Variants in ABCC8 observed in about 807,000 individuals in gnomAD.
ABCC8 encodes the protein ATP binding cassette subfamily C member 8.
A neutral mutation model predicts 188.0 loss-of-function variants in ABCC8; 137 were observed. The observed-to-expected ratio is 0.73, with a 90% confidence interval of 0.63 to 0.84. The LOEUF (loss-of-function observed/expected upper bound fraction) is 0.84, where lower values mean the gene tolerates loss of function less well. ABCC8 is among the 40% of genes least tolerant of loss of function. The probability of loss-of-function intolerance (pLI) is 0.00; values close to 1 mark genes in which losing one functional copy is unlikely to be tolerated. For missense variants in ABCC8, 1,750 were observed against 2,072.7 expected, an observed-to-expected ratio of 0.84 and a Z score of 3.02; for synonymous variants, 797 against 846.5, an observed-to-expected ratio of 0.94 and a Z score of 1.01.
rs1054468584 is a variant in ABCC8, at chr11:17,435,524, G to T, written c.1631-3280C>A. ...CTTTTCCACTCTTATGGTCTACAAG[G>T]TACTCTACTGCTCCAAGGGGATCTA... On this transcript the variant is annotated intron_variant, in intron 10 of 38. Coordinates refer to ENST00000389817, the MANE Select transcript of ABCC8 (RefSeq NM_000352.6). 48 of 1,092,920 alleles carry T rather than the reference G, an allele frequency of 4.4e-5. No individual in the cohort carries two copies. The Admixed American group carries it at 8.2e-4, about 19-fold the overall frequency. The allele number at this position is 1,092,920 out of a possible 1,614,324, so 67.7% of individuals were successfully genotyped here.
chr11:17,475,362 C>T (rs1475995395), intron 1 of ABCC8, among the ~76,000 whole-genome samples: 2 of 152,106 alleles, frequency 1.3e-5, no homozygotes, highest in African/African-American at 2.4e-5. Context: ...GGACTACAGG[C>T]GCACATCACC....
At chr11:17,439,674 T>C (rs1956238419) in intron 10 of ABCC8, among the ~76,000 whole-genome samples, 1 of 152,072 alleles carries the variant, frequency 6.6e-6, no homozygotes, top group African/African-American at 2.4e-5. Context: ...CAAACAGCAC[T>C]TGACTTTCAA....
chr11:17,394,412 C>T lies in ABCC8; in HGVS notation c.4412-13G>A, dbSNP rs1008906426. ...GTGATGATGGCATCTGAAAACAGCCCGGGGAGATGAAGTAGGACTGAGTTA... is the reference window on the plus strand; with the variant it reads ...GTGATGATGGCATCTGAAAACAGCCTGGGGAGATGAAGTAGGACTGAGTTA... On this transcript the variant is annotated splice_polypyrimidine_tract_variant and intron_variant, in intron 36 of 38. Transcript: ENST00000389817. The T allele has an allele frequency of 9.3e-6, 15 of 1,613,992 alleles. No individual in the cohort carries two copies. The highest frequency in any genetic ancestry group is 2.2e-5 in the East Asian group (1 of 44,892).
chr11:17,431,168 G>C lies in ABCC8; in HGVS notation c.1672-209C>G, dbSNP rs1396874721. 2.5e-5 allele frequency: 19 copies of C among 760,190 alleles called. No homozygotes were observed. In the South Asian group the frequency reaches 2.7e-4, roughly 11 times the overall value. 47.1% of individuals were successfully genotyped at this position (760,190 alleles called of 1,614,324 possible). A position where few individuals can be genotyped will look rare whatever the true frequency, so the allele number is the denominator to read the frequency against. ...TCAGGACTTCAAGCTGGAGAGCAGG[G>C]GCTGCTCCCTCCCTGTCCTGGCCAA... On this transcript the variant is annotated intron_variant, in intron 11 of 38. Coordinates refer to ENST00000389817, the MANE Select transcript of ABCC8 (RefSeq NM_000352.6).
At position 17,402,693 on chromosome 11, in the gene ABCC8, G is replaced by A. The variant is rs775134825; in HGVS notation, c.3618C>T (p.Thr1206=). ...QLPLLSHFAE[T]VEGLTTIRAF... is the part of the protein sequence containing the mutation. ...CCCGGATGGTGGTGAGTCCTTCTAC[G>A]GTTTCGGCAAAGTGTGAGAGAAGTG... The change falls in exon 29 of 39, where the codon ACC becomes ACT. Residue 1206 remains threonine (T), a synonymous_variant. Transcript: ENST00000389817. The A allele has an allele frequency of 1.4e-5, 22 of 1,614,122 alleles. No individual in the cohort carries two copies. The highest frequency in any genetic ancestry group is 8.9e-5 in the East Asian group (4 of 44,896).
intron 16 of ABCC8, among the ~76,000 whole-genome samples, chr11:17,417,565 C>T (rs1443442568): frequency 6.6e-6 from 1 of 152,118 alleles, no homozygotes; most frequent in East Asian, 1.9e-4. Context: ...TTTGCCAGTG[C>T]TCTATCCCCT....
chr11:17,395,090 C>T (rs866106487), intron 36 of ABCC8, 82 bp downstream of exon 36: 3 of 1,528,400 alleles, frequency 2.0e-6, no homozygotes, highest in Middle Eastern at 1.7e-4. Context: ...TGGGGCAAAC[C>T]TGAGACACGG....
chr11:17,461,893 C>T, intron 4 of ABCC8, 68 bp from the exon 5 acceptor site: 1 of 1,605,134 alleles, frequency 6.2e-7, no homozygotes, highest in Non-Finnish European at 8.5e-7. Flanking sequence ...CTTGCCCCAG[C>T]AAGGATCTGG....
chr11:17,455,663 C>T (rs1028128939), intron 6 of ABCC8, among the ~76,000 whole-genome samples: 4 of 152,060 alleles, frequency 2.6e-5, no homozygotes, highest in Non-Finnish European at 4.4e-5. Flanking sequence ...CCTGACTAGG[C>T]GTGGTGGGTC....
chr11:17,405,423 C>G, intron 27 of ABCC8, 71 bp downstream of exon 27: 1 of 1,608,512 alleles, frequency 6.2e-7, no homozygotes, highest in Non-Finnish European at 8.5e-7. Flanking sequence ...AACCCAGCCT[C>G]AGACAGGAGA....
chr11:17,428,898 G>A, intron 12 of ABCC8: 1 of 700,098 alleles, frequency 1.4e-6, no homozygotes. Flanking sequence ...TGGATTGGAG[G>A]TGAGATTGGT....
intron 19 of ABCC8, among the ~76,000 whole-genome samples, chr11:17,414,161 C>A (rs1179438582): frequency 6.6e-6 from 1 of 152,196 alleles, no homozygotes; most frequent in Non-Finnish European, 1.5e-5. Flanking sequence ...AGAGCGCAGT[C>A]GATGCTAGCC....
At chr11:17,460,390 C>A in intron 6 of ABCC8, 98 bp downstream of exon 6, 2 of 1,562,196 alleles carry the variant, frequency 1.3e-6, no homozygotes, top group Non-Finnish European at 8.8e-7. Context: ...GGAGCCACTC[C>A]AGTGTGGCCA....
Position 17,407,091 on chromosome 11 carries a change from A to T in ABCC8, c.2959T>A (p.Ser987Thr). 6.2e-7 allele frequency: 1 copy of T among 1,613,734 alleles called. No individual in the cohort carries two copies. Among genetic ancestry groups the T allele is most frequent in the Non-Finnish European group, 8.5e-7 (1 of 1,180,028 alleles). Residue 987 changes from serine to threonine, a missense_variant, in exon 25 of 39, where the codon TCC (serine) becomes ACC (threonine). Physicochemically the swap from Ser to Thr is moderately conservative, Grantham distance 58. Coordinates refer to ENST00000389817, the MANE Select transcript of ABCC8 (RefSeq NM_000352.6). ...ATCTCAGCACGCTGGTGCAGCATGGACGACAGGTTGTCATCCTCCTCGCTC... is the reference window on the plus strand; with the variant it reads ...ATCTCAGCACGCTGGTGCAGCATGGTCGACAGGTTGTCATCCTCCTCGCTC... ...AESEEDDNLS[S>T]MLHQRAEIPW... is the part of the protein sequence containing the mutation.
chr11:17,447,835 T>G (rs1434162964), intron 8 of ABCC8, among the ~76,000 whole-genome samples: 1 of 152,238 alleles, frequency 6.6e-6, no homozygotes, highest in Admixed American at 6.5e-5. Flanking sequence ...TTTCCAAATC[T>G]TATACACGCT....
chr11:17,423,999 T>G (rs1394501561), intron 16 of ABCC8, among the ~76,000 whole-genome samples: 2 of 152,232 alleles, frequency 1.3e-5, no homozygotes, highest in Admixed American at 6.5e-5. Context: ...CAGAGTTCGG[T>G]GCAGACTGAC....
At chr11:17,430,409 A>G in intron 12 of ABCC8, 1 of 341,700 alleles carries the variant, frequency 2.9e-6, no homozygotes, top group Non-Finnish European at 5.7e-6. Flanking sequence ...CCTGGGAAAG[A>G]TAGACACAGT....
chr11:17,451,113 C>G (rs1024678203), intron 7 of ABCC8, among the ~76,000 whole-genome samples: 2 of 152,110 alleles, frequency 1.3e-5, no homozygotes, highest in Non-Finnish European at 2.9e-5. Flanking sequence ...ATTAAAAAAC[C>G]ATTTTTGGCT....
At chr11:17,400,049 G>C (rs1954156737) in intron 29 of ABCC8, among the ~76,000 whole-genome samples, 1 of 152,192 alleles carries the variant, frequency 6.6e-6, no homozygotes, top group Non-Finnish European at 1.5e-5. Context: ...CATCATCGCT[G>C]GTTTGATAGG....
Sources: gnomAD v4.1 joint callset for allele counts (sites outside exome capture counted in the v4.1 genomes callset) on GRCh38, gnomAD v4.1.1 for gene constraint, MANE v1.5 for transcripts, NCBI Gene and HGNC (gene_info 2026-07-23, HGNC 2026-07-21) for gene names.